C17orf67: variants seen among roughly 807,000 people sequenced by gnomAD.
C17orf67 encodes chromosome 17 open reading frame 67.
Under a neutral mutation model 11.2 loss-of-function variants are expected in C17orf67, and 12 were observed. The observed-to-expected ratio is 1.07, with a 90% CI of 0.68 to 1.73. The LOEUF is 1.73. Among genes scored for constraint, C17orf67 ranks in the 40% most tolerant of loss-of-function variants. The probability of loss-of-function intolerance (pLI) is 0.00; values close to 1 mark genes in which losing one functional copy is unlikely to be tolerated. For missense variants in C17orf67, 115 were observed against 113.5 expected (o/e 1.01, Z -0.06); for synonymous variants, 59 against 46.9 (o/e 1.26, Z -1.05).
At chr17:56,819,748 T>C (rs567932761) in intron 4 of C17orf67, among the ~76,000 whole-genome samples, 18 of 152,266 alleles carry the variant, frequency 1.2e-4, no homozygotes, top group Non-Finnish European at 2.6e-4. Flanking sequence ...AGAATTCTCT[T>C]CTAAACCCCA....
chr17:56,810,401 AACCCCTCACACAC>A (rs978661826), intron 6 of C17orf67, among the ~76,000 whole-genome samples: 9 of 114,052 alleles, frequency 7.9e-5, no homozygotes, highest in Middle Eastern at 6.7e-3. Flanking sequence ...CACATGCACA[AACCCCTCACACAC>A]ACCCCTCACA....
intron 6 of C17orf67, among the ~76,000 whole-genome samples, chr17:56,799,962 C>T (rs1200587100): frequency 1.5e-5 from 2 of 131,404 alleles, no homozygotes; most frequent in Non-Finnish European, 1.6e-5. Context: ...AACAGTGATA[C>T]ATATTACTTT....
At chr17:56,813,096 T>G (rs549913430) in intron 6 of C17orf67, among the ~76,000 whole-genome samples, 5 of 152,276 alleles carry the variant, frequency 3.3e-5, no homozygotes, top group African/African-American at 1.2e-4. Flanking sequence ...CAGGAGCCAC[T>G]GCTTTGAGGA....
chr17:56,795,280 G>T, intron 6 of C17orf67, 100 bp from the exon 7 acceptor site: 1 of 1,034,464 alleles, frequency 9.7e-7, no homozygotes. Context: ...GGGCAGGATG[G>T]GAGGACAGGC....
At chr17:56,817,873 A>C (rs1284705300) in intron 4 of C17orf67, among the ~76,000 whole-genome samples, 6 of 150,606 alleles carry the variant, frequency 4.0e-5, no homozygotes, top group Non-Finnish European at 1.5e-5. Context: ...TTTTTGAAAC[A>C]TGGTCTCCCT....
At chr17:56,832,803 C>G (rs954587315) in intron 2 of C17orf67, 95 bp downstream of exon 2, 5 of 152,222 alleles carry the variant, frequency 3.3e-5, no homozygotes, top group African/African-American at 1.2e-4. Context: ...ACCACTTTTA[C>G]TAGTGTCTAG....
At position 56,792,661 on chromosome 17, in the gene C17orf67, GTGATGGTGATGATGGGGT is replaced by G. The variant is rs1179330310; in HGVS notation, c.*21-327_*21-310del. Among the ~76,000 whole-genome samples, 738 of 106,260 alleles carry G rather than the reference GTGATGGTGATGATGGGGT, an allele frequency of 6.9e-3. 1 individual carries two copies. Among genetic ancestry groups the G allele is most frequent in the Non-Finnish European group, 0.012 (498 of 41,976 alleles). The allele number at this position is 106,260 out of a possible 152,430, so 69.7% of individuals were successfully genotyped here. A position where few individuals can be genotyped will look rare whatever the true frequency, so the allele number is the denominator to read the frequency against. ...GGTGGTGGTGATGGTGCTGATGGTG[GTGATGGTGATGATGGGGT>G]TGATGGTGATGATGGTGGCAATGGT... On this transcript the variant is annotated intron_variant, in intron 7 of 7. Coordinates refer to ENST00000397861, the MANE Select transcript of C17orf67 (RefSeq NM_001085430.4).
chr17:56,793,512 T>A (rs1355303354), intron 7 of C17orf67, among the ~76,000 whole-genome samples: 1 of 152,186 alleles, frequency 6.6e-6, no homozygotes, highest in Non-Finnish European at 1.5e-5. Flanking sequence ...CAGAAACCTC[T>A]CCTTTAACTT....
chr17:56,832,844 G>A (rs1215351563), intron 2 of C17orf67, 54 bp downstream of exon 2: 2 of 152,014 alleles, frequency 1.3e-5, no homozygotes, highest in African/African-American at 4.8e-5. Flanking sequence ...ACAAATATAC[G>A]CACATACACA....
At chr17:56,818,981 A>G (rs1373016398) in intron 4 of C17orf67, among the ~76,000 whole-genome samples, 2 of 152,178 alleles carry the variant, frequency 1.3e-5, no homozygotes, top group African/African-American at 4.8e-5. Context: ...TGTTCACTTC[A>G]ATCTGTTCTC....
intron 4 of C17orf67, among the ~76,000 whole-genome samples, chr17:56,823,067 A>G (rs1597998960): frequency 1.3e-5 from 2 of 152,374 alleles, no homozygotes; most frequent in South Asian, 2.1e-4. Flanking sequence ...GCATTGGCAC[A>G]GGCAGAATCA....
At chr17:56,829,433 C>T (rs1323342400) in intron 2 of C17orf67, among the ~76,000 whole-genome samples, 1 of 152,178 alleles carries the variant, frequency 6.6e-6, no homozygotes, top group Admixed American at 6.5e-5. Context: ...TGGAAGAGGC[C>T]ATGGGAGTCA....
At chr17:56,794,962 G>A in intron 7 of C17orf67, 82 bp downstream of exon 7, 1 of 979,910 alleles carries the variant, frequency 1.0e-6, no homozygotes, top group South Asian at 1.5e-5. Flanking sequence ...CTGAGGCATG[G>A]TCTGGAAAGT....
chr17:56,833,130 G>A lies in C17orf67; in HGVS notation c.-789C>T, dbSNP rs1474397485. Reference sequence around the variant, plus strand: ...CTCCTATGTATGTATGTAGTAGGAAGGAAGCCGCTGAGTGCAGCTGTGCGC... The same window carrying A: ...CTCCTATGTATGTATGTAGTAGGAAAGAAGCCGCTGAGTGCAGCTGTGCGC... On this transcript the variant is annotated 5_prime_UTR_variant, in exon 2 of 8. Transcript: ENST00000397861. 2.0e-5 allele frequency: 3 copies of A among 152,324 alleles called. No individual in the cohort carries two copies. Among genetic ancestry groups the A allele is most frequent in the Non-Finnish European group, 4.4e-5 (3 of 68,112 alleles). 9.4% of individuals were successfully genotyped at this position (152,324 alleles called of 1,614,324 possible).
At chr17:56,803,139 G>T (rs570543724) in intron 6 of C17orf67, among the ~76,000 whole-genome samples, 1 of 152,352 alleles carries the variant, frequency 6.6e-6, no homozygotes, top group South Asian at 2.1e-4. Flanking sequence ...CAGTACTTCT[G>T]CTGTATGACA....
chr17:56,833,833 G>C lies in C17orf67; in HGVS notation c.-1217C>G, dbSNP rs1906347986. On this transcript the variant is annotated 5_prime_UTR_variant, in exon 1 of 8. Coordinates refer to ENST00000397861, the MANE Select transcript of C17orf67 (RefSeq NM_001085430.4). ...CTGCGAGGAGGATCCTCGTGGCCTT[G>C]CCCCGCCGGCGGCTTTCCAGAATTT... 4 of 151,912 alleles carry C rather than the reference G, an allele frequency of 2.6e-5. No homozygotes were observed. In the South Asian group the frequency reaches 8.3e-4, roughly 32 times the overall value. The allele number at this position is 151,912 out of a possible 1,614,324, so 9.4% of individuals were successfully genotyped here. A position where few individuals can be genotyped will look rare whatever the true frequency, so the allele number is the denominator to read the frequency against.
At chr17:56,823,878 C>CT (rs1290961850) in intron 4 of C17orf67, among the ~76,000 whole-genome samples, 1 of 151,510 alleles carries the variant, frequency 6.6e-6, no homozygotes, top group Non-Finnish European at 1.5e-5. Flanking sequence ...TTATTCAGCA[C>CT]TAAAAAAAAA....
intron 6 of C17orf67, among the ~76,000 whole-genome samples, chr17:56,813,795 CATAAA>C (rs1905688665): frequency 6.6e-6 from 1 of 151,366 alleles, no homozygotes; most frequent in Admixed American, 6.6e-5. Context: ...GTTTTATCAT[CATAAA>C]ATAATTATTT....
chr17:56,827,743 T>A (rs972131674), intron 2 of C17orf67, among the ~76,000 whole-genome samples: 1 of 152,234 alleles, frequency 6.6e-6, no homozygotes, highest in African/African-American at 2.4e-5. Context: ...TTCCACAGCC[T>A]CCATGGGAAG....
Sources: gnomAD v4.1 joint callset for allele counts (sites outside exome capture counted in the v4.1 genomes callset) on GRCh38, gnomAD v4.1.1 for gene constraint, MANE v1.5 for transcripts, NCBI Gene and HGNC (gene_info 2026-07-23, HGNC 2026-07-21) for gene names.